SGCZ: variants seen among roughly 807,000 people sequenced by gnomAD.
The protein encoded by SGCZ is sarcoglycan zeta.
Under a neutral mutation model 41.3 loss-of-function variants are expected in SGCZ, and 40 were observed. The ratio of observed to expected loss-of-function variants is 0.97; its 90% CI spans 0.75 to 1.26. The LOEUF (loss-of-function observed/expected upper bound fraction) is 1.26, where lower values mean the gene tolerates loss of function less well. Ranked by LOEUF, SGCZ falls within the 50% of genes most tolerant of loss-of-function variation. The probability of loss-of-function intolerance (pLI) is 0.00; values close to 1 mark genes in which losing one functional copy is unlikely to be tolerated. For missense variants in SGCZ, 552 were observed against 369.8 expected, an observed-to-expected ratio of 1.49 and a Z score of -4.04; for synonymous variants, 206 against 137.5, an observed-to-expected ratio of 1.50 and a Z score of -3.49.
At chr8:15,044,689 A>G (rs545709290) in intron 1 of SGCZ, among the ~76,000 whole-genome samples, 8 of 152,110 alleles carry the variant, frequency 5.3e-5, no homozygotes, top group Non-Finnish European at 1.0e-4. Context: ...TGAGAATAGC[A>G]AAACTTGGTA....
At chr8:14,876,156 G>C (rs1804350090) in intron 1 of SGCZ, among the ~76,000 whole-genome samples, 1 of 152,112 alleles carries the variant, frequency 6.6e-6, no homozygotes, top group African/African-American at 2.4e-5. Context: ...TCTCTTAAAA[G>C]CACTATCTCA....
At chr8:14,302,418 A>G (rs1801222398) in intron 3 of SGCZ, among the ~76,000 whole-genome samples, 2 of 152,204 alleles carry the variant, frequency 1.3e-5, no homozygotes, top group South Asian at 4.1e-4. Flanking sequence ...TATCACAGAC[A>G]TAAATGAATC....
chr8:14,127,143 C>G (rs891550966), intron 5 of SGCZ, among the ~76,000 whole-genome samples: 2 of 151,958 alleles, frequency 1.3e-5, no homozygotes, highest in Admixed American at 1.3e-4. Flanking sequence ...GCACATGTAT[C>G]CTGGGACTTA....
chr8:14,581,037 T>C (rs1804871381), intron 1 of SGCZ, among the ~76,000 whole-genome samples: 1 of 152,220 alleles, frequency 6.6e-6, no homozygotes, highest in Admixed American at 6.5e-5. Flanking sequence ...TGTGAGATAC[T>C]TTCCTCTAAA....
Position 14,749,135 on chromosome 8 carries a change from G to A in SGCZ, c.40-194209C>T, listed in dbSNP as rs575236568. ...AGTAATATTCAATTTTCAAAAAAATGCTCATCCCATAAAACTGAGATTATA... is the reference window on the plus strand; with the variant it reads ...AGTAATATTCAATTTTCAAAAAAATACTCATCCCATAAAACTGAGATTATA... On this transcript the variant is annotated intron_variant, in intron 1 of 7. Transcript: ENST00000382080. Among the ~76,000 whole-genome samples, 156 of 152,044 alleles carry A rather than the reference G, an allele frequency of 1.0e-3. 3 individuals are homozygous for A. In the South Asian group the frequency reaches 0.031, roughly 30 times the overall value.
At chr8:15,108,288 A>C (rs563531140) in intron 1 of SGCZ, among the ~76,000 whole-genome samples, 1 of 152,270 alleles carries the variant, frequency 6.6e-6, no homozygotes, top group Non-Finnish European at 1.5e-5. Flanking sequence ...TTAGGACAGT[A>C]CACTCAGAAA....
chr8:15,104,992 C>A (rs1013539088), intron 1 of SGCZ, among the ~76,000 whole-genome samples: 1 of 152,120 alleles, frequency 6.6e-6, no homozygotes, highest in African/African-American at 2.4e-5. Context: ...TAACTCTTTC[C>A]TTTATGCCTC....
intron 3 of SGCZ, among the ~76,000 whole-genome samples, chr8:14,300,476 G>A (rs1801150625): frequency 6.6e-6 from 1 of 151,958 alleles, no homozygotes; most frequent in Admixed American, 6.6e-5. Flanking sequence ...TCCCAGGTAT[G>A]CTACTTACTC....
chr8:15,217,088 T>A (rs2117174520), intron 1 of SGCZ, among the ~76,000 whole-genome samples: 1 of 152,196 alleles, frequency 6.6e-6, no homozygotes, highest in Admixed American at 6.5e-5. Context: ...AAAGTAAGCA[T>A]TCCGACAGCT....
intron 3 of SGCZ, among the ~76,000 whole-genome samples, chr8:14,316,176 C>G (rs1222678847): frequency 6.6e-6 from 1 of 151,442 alleles, no homozygotes; most frequent in Non-Finnish European, 1.5e-5. Context: ...CTTAAAGTCT[C>G]TCAATGAATA....
chr8:14,344,468 A>T (rs1197337529), intron 2 of SGCZ, among the ~76,000 whole-genome samples: 2 of 152,122 alleles, frequency 1.3e-5, no homozygotes, highest in African/African-American at 2.4e-5. Flanking sequence ...CTGACAGCTA[A>T]CTTCTTAAAA....
chr8:15,162,929 G>C (rs1799556500), intron 1 of SGCZ, among the ~76,000 whole-genome samples: 1 of 152,212 alleles, frequency 6.6e-6, no homozygotes, highest in Admixed American at 6.5e-5. Context: ...GAAGATGAAA[G>C]AGGAGAAGTA....
intron 2 of SGCZ, among the ~76,000 whole-genome samples, chr8:14,388,195 GA>G (rs902191115): frequency 1.3e-5 from 2 of 151,774 alleles, no homozygotes; most frequent in Admixed American, 1.3e-4. Flanking sequence ...TGCCTGATAC[GA>G]AAAAAAGTTA....
intron 1 of SGCZ, among the ~76,000 whole-genome samples, chr8:14,693,144 A>T (rs1008587622): frequency 2.0e-5 from 3 of 152,208 alleles, no homozygotes; most frequent in Admixed American, 6.5e-5. Flanking sequence ...TGTTAGATCT[A>T]TATTACATTT....
intron 1 of SGCZ, among the ~76,000 whole-genome samples, chr8:14,882,538 T>C (rs1804631663): frequency 6.6e-6 from 1 of 152,180 alleles, no homozygotes. Flanking sequence ...GTAATAAAGA[T>C]ATTTTTAAAA....
At chr8:14,164,151 C>T (rs966872040) in intron 5 of SGCZ, among the ~76,000 whole-genome samples, 5 of 152,064 alleles carry the variant, frequency 3.3e-5, no homozygotes, top group Non-Finnish European at 5.9e-5. Flanking sequence ...TTATGAAAGC[C>T]ATATAAAATT....
chr8:14,955,526 A>G (rs1800763878), intron 1 of SGCZ, among the ~76,000 whole-genome samples: 1 of 152,200 alleles, frequency 6.6e-6, no homozygotes. Flanking sequence ...CAAGAAACAT[A>G]TGACACTCAT....
intron 4 of SGCZ, among the ~76,000 whole-genome samples, chr8:14,231,106 G>A (rs1231206968): frequency 6.7e-6 from 1 of 149,578 alleles, no homozygotes; most frequent in Middle Eastern, 3.4e-3. Context: ...TCTAAAAGGT[G>A]TCCTGACTCT....
At chr8:14,644,265 A>T (rs72607324) in intron 1 of SGCZ, among the ~76,000 whole-genome samples, 28,988 of 151,590 alleles carry the variant, frequency 0.19, 3,253 homozygotes, top group East Asian at 0.58. Flanking sequence ...CCCTCCATAA[A>T]GTGAGTAGAG....
Sources: gnomAD v4.1 joint callset for allele counts (sites outside exome capture counted in the v4.1 genomes callset) on GRCh38, gnomAD v4.1.1 for gene constraint, MANE v1.5 for transcripts, NCBI Gene and HGNC (gene_info 2026-07-23, HGNC 2026-07-21) for gene names.